NAV2: variants seen among roughly 807,000 people sequenced by gnomAD.
NAV2 encodes the protein neuron navigator 2.
In NAV2, 54 loss-of-function variants were observed where a neutral mutation model predicts 223.2. The observed-to-expected ratio is 0.24, with a 90% CI of 0.19 to 0.30. The LOEUF (loss-of-function observed/expected upper bound fraction) is 0.30, where lower values mean the gene tolerates loss of function less well. NAV2 is among the 10% of genes least tolerant of loss of function. NAV2 has a pLI of 1.00. For synonymous variants in NAV2, 1,279 were observed against 1,239.3 expected, an observed-to-expected ratio of 1.03 and a Z score of -0.67; for missense variants, 2,806 against 3,147.5, an observed-to-expected ratio of 0.89 and a Z score of 2.60.
intron 5 of NAV2, among the ~76,000 whole-genome samples, chr11:19,889,027 T>C (rs2041264944): frequency 1.3e-5 from 2 of 152,148 alleles, no homozygotes; most frequent in South Asian, 4.1e-4. Flanking sequence ...CCTCTTTCAG[T>C]TTGTAGAAAG....
intron 6 of NAV2, among the ~76,000 whole-genome samples, chr11:19,926,920 G>A (rs976577463): frequency 6.6e-6 from 1 of 152,186 alleles, no homozygotes; most frequent in African/African-American, 2.4e-5. Context: ...TAACTGAAAA[G>A]CTGGGGACAG....
In NAV2 at chr11:19,933,406, C is replaced by A; in HGVS notation, c.1162C>A (p.Pro388Thr). 6.3e-7 allele frequency: 1 copy of A among 1,582,712 alleles called. No homozygotes were observed. The highest frequency in any genetic ancestry group is 8.6e-7 in the Non-Finnish European group (1 of 1,164,454). ...TGGGCCTGAGGCCCCCAGGCCCACA[C>A]CTGAAGCCATGAAGCCGGCCCCCAA... ...PPGPEAPRPT[P>T]EAMKPAPNNQ... The change falls in exon 7 of 38, where the codon CCT (proline) becomes ACT (threonine). Residue 388 changes from proline (P) to threonine (T), a missense_variant. By Grantham distance (38) the Pro-to-Thr change is conservative (BLOSUM62 -1). Around this residue, in one of 4 missense-constraint regions of NAV2, gnomAD observed 1,167 missense variants for 1,180.5 expected, o/e 0.99. Coordinates refer to ENST00000349880, the MANE Select transcript of NAV2 (RefSeq NM_145117.5). This position sits in a 1 kb window ranked among gnomAD's most constrained non-coding sequence, Gnocchi z 4.3.
chr11:19,511,169 T>C (rs1324341032), intron 1 of NAV2: 1 of 152,170 alleles, frequency 6.6e-6, no homozygotes, highest in Non-Finnish European at 1.5e-5. Context: ...TCTGTGTTGT[T>C]GTTGGAGAGA....
At chr11:19,564,201 G>A (rs1358087452) in intron 1 of NAV2, among the ~76,000 whole-genome samples, 2 of 152,146 alleles carry the variant, frequency 1.3e-5, no homozygotes, top group Non-Finnish European at 2.9e-5. Context: ...ACCAGCAGGG[G>A]GAAGCATAAA....
intron 12 of NAV2, among the ~76,000 whole-genome samples, chr11:20,040,934 G>T (rs1397998923): frequency 2.0e-5 from 3 of 152,166 alleles, no homozygotes; most frequent in African/African-American, 7.2e-5. Context: ...GTAGAGCTGG[G>T]AAGGTGACCA....
At chr11:19,529,677 T>C (rs534674188) in intron 1 of NAV2, among the ~76,000 whole-genome samples, 1 of 152,166 alleles carries the variant, frequency 6.6e-6, no homozygotes, top group Non-Finnish European at 1.5e-5. Flanking sequence ...AGGTCCAGGG[T>C]TCCCCTTGGT....
In NAV2 at chr11:19,576,065, A is replaced by G. The variant is rs999726472; in HGVS notation, c.75+225038A>G. Among the ~76,000 whole-genome samples the G allele has an allele frequency of 5.9e-5, 9 of 152,208 alleles. No homozygotes were observed. The East Asian group carries it at 1.7e-3, about 29-fold the overall frequency. On this transcript the variant is annotated intron_variant, in intron 1 of 37. Coordinates refer to the NAV2 transcript ENST00000360655. ...ATAACTGGCCCAAGATCTCACATCT[A>G]GTGTATGGCAGAAAAAGTGCTCAAA...
At chr11:19,608,631 A>G (rs1399119964) in intron 1 of NAV2, among the ~76,000 whole-genome samples, 3 of 152,228 alleles carry the variant, frequency 2.0e-5, no homozygotes, top group Non-Finnish European at 2.9e-5. Flanking sequence ...ACACACAAGT[A>G]CTCCCATAAA....
chr11:19,634,867 T>C (rs1429509709), intron 1 of NAV2, among the ~76,000 whole-genome samples: 2 of 152,296 alleles, frequency 1.3e-5, no homozygotes, highest in East Asian at 3.9e-4. Context: ...TTAGGAACTA[T>C]CTAGGCAGAA....
chr11:19,423,518 T>C (rs1159371145), intron 1 of NAV2, among the ~76,000 whole-genome samples: 4 of 152,228 alleles, frequency 2.6e-5, no homozygotes, highest in African/African-American at 9.6e-5. Flanking sequence ...TCCAAACTGC[T>C]GGACTGAAAC....
intron 2 of NAV2, among the ~76,000 whole-genome samples, chr11:19,837,072 A>G (rs1320268135): frequency 6.6e-6 from 1 of 152,202 alleles, no homozygotes; most frequent in African/African-American, 2.4e-5. Flanking sequence ...CATTCAGACC[A>G]CAGCAGCTCT....
intron 1 of NAV2, among the ~76,000 whole-genome samples, chr11:19,770,261 AT>A (rs61693257): frequency 0.98 from 147,545 of 151,144 alleles, 72,114 homozygotes; most frequent in Middle Eastern, 1. Context: ...TTAAAAAAAT[AT>A]TTTTTTTTTC....
chr11:19,949,033 C>T lies in NAV2; in HGVS notation c.2598C>T (p.Asp866=), dbSNP rs2707084. Residue 866 remains aspartate (D), a synonymous_variant, in exon 10 of 38, where the codon GAC becomes GAT. Transcript: ENST00000349880. ...ISMDAPGYMS[D]GDVLSKNIRT... is the part of the protein sequence containing the mutation. ...TGGATGCCCCCGGCTACATGAGCGA[C>T]GGGGATGTTCTGAGCAAGAACATCC... The T allele has an allele frequency of 0.99, 1,600,135 of 1,614,042 alleles. 794,147 individuals are homozygous for T. Among genetic ancestry groups the T allele is most frequent in the East Asian group, 1 (44,862 of 44,862 alleles).
intron 1 of NAV2, among the ~76,000 whole-genome samples, chr11:19,675,110 C>G (rs1268174394): frequency 1.3e-5 from 2 of 152,130 alleles, no homozygotes; most frequent in East Asian, 1.9e-4. Flanking sequence ...AGAGAGAAAC[C>G]TCCAGGATCC....
At chr11:19,893,018 T>C (rs1028682119) in intron 6 of NAV2, among the ~76,000 whole-genome samples, 6 of 152,220 alleles carry the variant, frequency 3.9e-5, no homozygotes, top group Admixed American at 2.0e-4. Flanking sequence ...AACAAGAGGT[T>C]TTTCACCCTT....
At chr11:19,958,447 G>A (rs1283623858) in intron 10 of NAV2, among the ~76,000 whole-genome samples, 1 of 152,188 alleles carries the variant, frequency 6.6e-6, no homozygotes, top group Non-Finnish European at 1.5e-5. Context: ...GGAAGTGATG[G>A]CTTGTGTTGG....
intron 1 of NAV2, among the ~76,000 whole-genome samples, chr11:19,353,694 T>C (rs1363186406): frequency 6.6e-6 from 1 of 152,234 alleles, no homozygotes; most frequent in Admixed American, 6.5e-5. Flanking sequence ...TTTCTTTTTT[T>C]CCTTTTGTTC....
chr11:19,548,862 A>G (rs1458709683), intron 1 of NAV2, among the ~76,000 whole-genome samples: 2 of 134,054 alleles, frequency 1.5e-5, no homozygotes, highest in African/African-American at 5.7e-5. Flanking sequence ...TGGGTGACAC[A>G]TCAGGCTCCG....
intron 2 of NAV2, among the ~76,000 whole-genome samples, chr11:19,837,659 T>C (rs1404460508): frequency 2.0e-5 from 3 of 151,964 alleles, no homozygotes; most frequent in Admixed American, 2.0e-4. Flanking sequence ...CAAACCCAAA[T>C]TGTGGAACAT....
Sources: allele counts gnomAD v4.1 joint callset (sites outside exome capture counted in the v4.1 genomes callset), GRCh38; gene constraint gnomAD v4.1.1; regional missense constraint gnomAD v4.1.1; non-coding constraint Gnocchi (gnomAD v3.1); transcripts MANE v1.5; gene names NCBI Gene and HGNC (gene_info 2026-07-23, HGNC 2026-07-21).